Variants in CD247 observed in about 807,000 individuals in gnomAD.
CD247 encodes T-cell surface glycoprotein CD3 zeta chain.
A neutral mutation model predicts 30.0 loss-of-function variants in CD247; 13 were observed. That is an observed-to-expected ratio of 0.43 (90% CI 0.28 to 0.69). The LOEUF is 0.69. Ranked by LOEUF, CD247 falls within the 30% of genes least tolerant of loss-of-function variation. The pLI is 0.16. For synonymous variants in CD247, 72 were observed against 80.0 expected, an observed-to-expected ratio of 0.90 and a Z score of 0.53; for missense variants, 193 against 212.6, an observed-to-expected ratio of 0.91 and a Z score of 0.57.
intron 1 of CD247, chr1:167,457,658 T>C (rs942963626): frequency 6.6e-6 from 1 of 152,344 alleles, no homozygotes; most frequent in Non-Finnish European, 1.5e-5. Context: ...TTCCTCTCCA[T>C]TGATGGTCTC....
At chr1:167,467,033 A>G (rs1617333) in intron 1 of CD247, among the ~76,000 whole-genome samples, 41,357 of 151,878 alleles carry the variant, frequency 0.27, 6,806 homozygotes, top group Middle Eastern at 0.43. Flanking sequence ...TAGAGACGGG[A>G]TTTCACGTGT....
At chr1:167,431,832 G>T in intron 7 of CD247, 86 bp from the exon 8 acceptor site, 1 of 1,147,668 alleles carries the variant, frequency 8.7e-7, no homozygotes, top group Non-Finnish European at 1.3e-6. Flanking sequence ...AGGTGTCTCT[G>T]CAGCACAGCC....
chr1:167,496,628 A>C (rs1654702273), intron 1 of CD247, among the ~76,000 whole-genome samples: 1 of 152,232 alleles, frequency 6.6e-6, no homozygotes, highest in African/African-American at 2.4e-5. Flanking sequence ...CAAGAGAGAA[A>C]TTAGCAAGGC....
At chr1:167,501,728 G>C (rs555816456) in intron 1 of CD247, among the ~76,000 whole-genome samples, 10 of 152,336 alleles carry the variant, frequency 6.6e-5, no homozygotes, top group Admixed American at 5.9e-4. Context: ...AACTGTGTTT[G>C]TTCTTCCCTC....
At chr1:167,441,827 T>G (rs1012737523) in intron 1 of CD247, among the ~76,000 whole-genome samples, 7 of 152,368 alleles carry the variant, frequency 4.6e-5, no homozygotes, top group South Asian at 2.1e-4. Flanking sequence ...TTTGCATTTT[T>G]GGGCTGGGGG....
chr1:167,443,560 T>C (rs904136257), intron 1 of CD247, among the ~76,000 whole-genome samples: 2 of 152,178 alleles, frequency 1.3e-5, no homozygotes, highest in African/African-American at 4.8e-5. Context: ...AGAAAATCAC[T>C]CAGCTGCTTG....
chr1:167,472,991 T>C (rs1653593930), intron 1 of CD247, among the ~76,000 whole-genome samples: 1 of 152,152 alleles, frequency 6.6e-6, no homozygotes, highest in African/African-American at 2.4e-5. Context: ...CACCTGCTCC[T>C]CTGGCCTGAC....
intron 1 of CD247, among the ~76,000 whole-genome samples, chr1:167,442,510 C>T (rs551837337): frequency 2.0e-5 from 3 of 152,302 alleles, no homozygotes; most frequent in Middle Eastern, 3.4e-3. Context: ...ATGTAATCAT[C>T]GTCAGATCCT....
intron 1 of CD247, among the ~76,000 whole-genome samples, chr1:167,474,293 C>T (rs577243424): frequency 1.6e-3 from 236 of 152,162 alleles, no homozygotes; most frequent in Middle Eastern, 6.8e-3. Flanking sequence ...CCTTAATCTC[C>T]TTTCCCTTCC....
intron 1 of CD247, among the ~76,000 whole-genome samples, chr1:167,467,040 G>T (rs909674036): frequency 1.7e-4 from 26 of 152,132 alleles, no homozygotes; most frequent in African/African-American, 6.3e-4. Flanking sequence ...GGGATTTCAC[G>T]TGTTAGCCAG....
intron 1 of CD247, among the ~76,000 whole-genome samples, chr1:167,495,999 T>C (rs1407396971): frequency 6.6e-6 from 1 of 152,240 alleles, no homozygotes; most frequent in Non-Finnish European, 1.5e-5. Flanking sequence ...ATTGCCTGTC[T>C]CCGTCTTTAA....
intron 1 of CD247, among the ~76,000 whole-genome samples, chr1:167,455,969 C>T (rs1453822314): frequency 1.3e-5 from 2 of 151,680 alleles, no homozygotes; most frequent in East Asian, 1.9e-4. Context: ...TTGGGAAGCC[C>T]CGGAGAGACG....
intron 4 of CD247, 145 bp downstream of exon 4, chr1:167,438,425 G>A (rs1651647731): frequency 1.4e-6 from 1 of 740,274 alleles, no homozygotes; most frequent in East Asian, 2.5e-5. Flanking sequence ...GGCAGCAAGT[G>A]GGTCTCCATC....
At chr1:167,506,209 G>A (rs1029860361) in intron 1 of CD247, among the ~76,000 whole-genome samples, 6 of 151,644 alleles carry the variant, frequency 4.0e-5, no homozygotes, top group Admixed American at 6.6e-5. Flanking sequence ...CCAGAGAGAC[G>A]CCATCTTTCT....
chr1:167,485,287 C>T lies in CD247; in HGVS notation c.58+33121G>A, dbSNP rs552177395. 1.7e-4 allele frequency among the ~76,000 whole-genome samples: 26 copies of T among 152,346 alleles called. No individual in the cohort carries two copies. In the South Asian group the frequency reaches 3.5e-3, roughly 21 times the overall value. ...AAGAGCAGACAGACCCCTGCACGCCCTGCTCACAGCTCTGTCCCTGTGCCG... is the reference window on the plus strand; with the variant it reads ...AAGAGCAGACAGACCCCTGCACGCCTTGCTCACAGCTCTGTCCCTGTGCCG... On this transcript the variant is annotated intron_variant, in intron 1 of 7. Transcript: ENST00000362089.
intron 1 of CD247, among the ~76,000 whole-genome samples, chr1:167,507,831 A>G (rs1260924196): frequency 8.2e-6 from 1 of 121,632 alleles, no homozygotes; most frequent in Non-Finnish European, 1.7e-5. Context: ...GGGAGACCCT[A>G]TCTTAAAAAA....
intron 1 of CD247, among the ~76,000 whole-genome samples, chr1:167,487,519 G>A (rs2102072481): frequency 6.6e-6 from 1 of 152,324 alleles, no homozygotes; most frequent in South Asian, 2.1e-4. Flanking sequence ...GGACCCACTG[G>A]CAGCCTCAGC....
intron 1 of CD247, among the ~76,000 whole-genome samples, chr1:167,511,287 G>A (rs554760099): frequency 6.6e-6 from 1 of 152,180 alleles, no homozygotes; most frequent in Admixed American, 6.5e-5. Context: ...TTAATTACAG[G>A]CAATTTATTC....
chr1:167,487,560 T>C (rs1654267486), intron 1 of CD247, among the ~76,000 whole-genome samples: 1 of 152,142 alleles, frequency 6.6e-6, no homozygotes, highest in Non-Finnish European at 1.5e-5. Context: ...TTAAACCGCA[T>C]AACCTTACTG....
Sources: allele counts gnomAD v4.1 joint callset (sites outside exome capture counted in the v4.1 genomes callset), GRCh38; gene constraint gnomAD v4.1.1; transcripts MANE v1.5; gene names NCBI Gene and HGNC (gene_info 2026-07-23, HGNC 2026-07-21).